PCDHGA1: variants seen among roughly 807,000 people sequenced by gnomAD.
PCDHGA1 encodes the protein protocadherin gamma-A1.
Under a neutral mutation model 58.0 loss-of-function variants are expected in PCDHGA1, and 32 were observed. The ratio of observed to expected loss-of-function variants is 0.55; its 90% CI spans 0.42 to 0.74. The LOEUF (loss-of-function observed/expected upper bound fraction) is 0.74, where lower values mean the gene tolerates loss of function less well. PCDHGA1 is among the 30% of genes least tolerant of loss of function. The pLI is 0.00. For synonymous variants in PCDHGA1, 498 were observed against 501.1 expected, an observed-to-expected ratio of 0.99 and a Z score of 0.08; for missense variants, 1,205 against 1,182.3, an observed-to-expected ratio of 1.02 and a Z score of -0.28.
intron 1 of PCDHGA1, chr5:141,409,830 G>C: frequency 6.2e-7 from 1 of 1,611,250 alleles, no homozygotes; most frequent in Non-Finnish European, 8.5e-7. Context: ...CCCACGCTCA[G>C]CGCCAACGTG....
At chr5:141,414,899 G>C (rs756810046) in intron 1 of PCDHGA1, 4 of 1,614,182 alleles carry the variant, frequency 2.5e-6, no homozygotes, top group Non-Finnish European at 3.4e-6. Context: ...CCCACAGACG[G>C]TTCCACAGGC....
At chr5:141,398,254 A>C (rs868152545) in intron 1 of PCDHGA1, 1 of 1,465,852 alleles carries the variant, frequency 6.8e-7, no homozygotes, top group East Asian at 2.5e-5. Context: ...GGAAATGCCC[A>C]AGGGCTCCGT....
intron 1 of PCDHGA1, chr5:141,361,324 T>G (rs767058928): frequency 6.2e-7 from 1 of 1,613,936 alleles, no homozygotes. Context: ...TTTGAAATCT[T>G]CCTCAAAGAA....
intron 1 of PCDHGA1, chr5:141,421,860 C>G: frequency 8.1e-6 from 13 of 1,613,750 alleles, no homozygotes; most frequent in Non-Finnish European, 1.1e-5. Context: ...CTCACCTGCT[C>G]CTCCTCACAG....
intron 1 of PCDHGA1, chr5:141,374,451 T>C: frequency 6.2e-7 from 1 of 1,613,730 alleles, no homozygotes; most frequent in Non-Finnish European, 8.5e-7. Flanking sequence ...GAAGTGGAAA[T>C]AGTGGACATT....
chr5:141,450,948 C>T (rs1250110393), intron 1 of PCDHGA1, among the ~76,000 whole-genome samples: 2 of 151,870 alleles, frequency 1.3e-5, no homozygotes, highest in East Asian at 3.9e-4. Flanking sequence ...CCTCAGCCTC[C>T]CAAGTAGCTG....
intron 1 of PCDHGA1, chr5:141,364,162 G>T (rs1431333863): frequency 1.5e-6 from 1 of 667,104 alleles, no homozygotes; most frequent in Non-Finnish European, 2.2e-6. Context: ...CCGCAGAGGC[G>T]ACCCGACTCT....
In PCDHGA1 at chr5:141,333,131, G is replaced by A. The variant is rs114133466; in HGVS notation, c.2421+26G>A. The A allele has an allele frequency of 2.2e-5, 36 of 1,613,430 alleles. No individual in the cohort carries two copies. In the East Asian group the frequency reaches 7.1e-4, roughly 32 times the overall value. ...GTAAACTTTTGTGATGAATGTATCA[G>A]CTATCTAGAGAAAAATAATTCTTGA... On this transcript the variant is annotated intron_variant, in intron 1 of 3. Coordinates refer to ENST00000517417, the MANE Select transcript of PCDHGA1 (RefSeq NM_018912.3).
Position 141,489,842 on chromosome 5 carries a change from A to T in PCDHGA1, c.2422-4965A>T. ...GAGCTGGTGCTAGAGCAGCAGCTGGATCGTGAAGCCCAGGCAAGACATCAG... is the reference window on the plus strand; with the variant it reads ...GAGCTGGTGCTAGAGCAGCAGCTGGTTCGTGAAGCCCAGGCAAGACATCAG... On this transcript the variant is annotated intron_variant, in intron 1 of 3. Coordinates refer to ENST00000517417, the MANE Select transcript of PCDHGA1 (RefSeq NM_018912.3). The surrounding 1 kb of genome is among the most constrained non-coding windows in gnomAD (Gnocchi z 4.5). 6.2e-7 allele frequency: 1 copy of T among 1,614,186 alleles called. No homozygotes were observed. Among genetic ancestry groups the T allele is most frequent in the South Asian group, 1.1e-5 (1 of 91,086 alleles).
In PCDHGA1 at chr5:141,504,261, A is replaced by AT. The variant is rs144925096; in HGVS notation, c.2481-1125dup. Among the ~76,000 whole-genome samples the AT allele has an allele frequency of 3.8e-3, 573 of 152,258 alleles. 3 individuals are homozygous for AT. The highest frequency in any genetic ancestry group is 0.012 in the African/African-American group (514 of 41,556). ...CAGAGAGTTCTTCTTATGGTTTAGT[A>AT]TTTTTTTAAATTATGAATCATTTCA... On this transcript the variant is annotated intron_variant, in intron 2 of 3. Transcript: ENST00000517417.
In PCDHGA1 at chr5:141,421,902, C is replaced by T. The variant is rs1218675162; in HGVS notation, c.2422-72905C>T. 4 of 1,613,706 alleles carry T rather than the reference C, an allele frequency of 2.5e-6. No homozygotes were observed. The South Asian group carries it at 3.3e-5, about 13-fold the overall frequency. On this transcript the variant is annotated intron_variant, in intron 1 of 3. Coordinates refer to ENST00000517417, the MANE Select transcript of PCDHGA1 (RefSeq NM_018912.3). Reference sequence around the variant, plus strand: ...ATGGAGGCGATCCCATCCGAAAGGGCGCAGTTCCCATTCGTGTGGTGGTCC... The same window carrying T: ...ATGGAGGCGATCCCATCCGAAAGGGTGCAGTTCCCATTCGTGTGGTGGTCC...
In PCDHGA1 at chr5:141,432,469, C is replaced by A; in HGVS notation, c.2422-62338C>A. On this transcript the variant is annotated intron_variant, in intron 1 of 3. Coordinates refer to ENST00000517417, the MANE Select transcript of PCDHGA1 (RefSeq NM_018912.3). The surrounding 1 kb of genome is among the most constrained non-coding windows in gnomAD (Gnocchi z 6.0). ...TCCTGTACCCCGCCCTCCCCACGGA[C>A]GGTTCCACTGGCGTGGAGCTGGCTC... 6.2e-7 allele frequency: 1 copy of A among 1,614,218 alleles called. No individual in the cohort carries two copies.
At chr5:141,369,112 G>C (rs527912435) in intron 1 of PCDHGA1, among the ~76,000 whole-genome samples, 4 of 152,288 alleles carry the variant, frequency 2.6e-5, no homozygotes, top group Non-Finnish European at 5.9e-5. Flanking sequence ...AATTAAAACT[G>C]TAAGACACCT....
intron 1 of PCDHGA1, chr5:141,350,025 G>C (rs990697407): frequency 2.7e-6 from 1 of 371,730 alleles, no homozygotes; most frequent in Non-Finnish European, 4.8e-6. Context: ...AGTTTTCCAA[G>C]ACAACCTCTG....
At chr5:141,386,797 T>G (rs771279831) in intron 1 of PCDHGA1, among the ~76,000 whole-genome samples, 1 of 152,124 alleles carries the variant, frequency 6.6e-6, no homozygotes, top group Non-Finnish European at 1.5e-5. Flanking sequence ...TGACCAAAAT[T>G]TATTAGATGC....
intron 3 of PCDHGA1, among the ~76,000 whole-genome samples, chr5:141,509,381 C>T (rs181928019): frequency 6.6e-6 from 1 of 152,256 alleles, no homozygotes; most frequent in East Asian, 1.9e-4. Flanking sequence ...TGTCTCCTAA[C>T]CACAGAGGAT....
intron 1 of PCDHGA1, 108 bp from the exon 2 acceptor site, chr5:141,494,699 T>G: frequency 6.3e-7 from 1 of 1,592,240 alleles, no homozygotes; most frequent in East Asian, 2.3e-5. Context: ...GTCCGTTTTC[T>G]TCTCTGTGCC....
At chr5:141,506,993 C>T (rs781663602) in intron 3 of PCDHGA1, 18 of 152,184 alleles carry the variant, frequency 1.2e-4, no homozygotes, top group Non-Finnish European at 1.8e-4. Context: ...TTCTCACACT[C>T]GACAGATGAG....
chr5:141,343,432 A>G, intron 1 of PCDHGA1: 1 of 934,382 alleles, frequency 1.1e-6, no homozygotes, highest in African/African-American at 1.8e-5. Flanking sequence ...TAGTAAGTAT[A>G]AGAATAAACA....
Sources: gnomAD v4.1 joint callset for allele counts (sites outside exome capture counted in the v4.1 genomes callset) on GRCh38, gnomAD v4.1.1 for gene constraint, Gnocchi (gnomAD v3.1) non-coding constraint, MANE v1.5 for transcripts, NCBI Gene and HGNC (gene_info 2026-07-23, HGNC 2026-07-21) for gene names.